ZNF652: variants seen among roughly 807,000 people sequenced by gnomAD.
ZNF652 encodes the protein zinc finger protein 652.
A neutral mutation model predicts 45.2 loss-of-function variants in ZNF652; 16 were observed. The ratio of observed to expected loss-of-function variants is 0.35; its 90% CI spans 0.24 to 0.54. ZNF652 has a LOEUF of 0.54. Ranked by LOEUF, ZNF652 falls within the 20% of genes least tolerant of loss-of-function variation. The pLI is 0.91. For missense variants in ZNF652, 614 were observed against 765.6 expected (o/e 0.80, Z 2.34); for synonymous variants, 250 against 260.6 (o/e 0.96, Z 0.39).
At chr17:49,359,516 T>C (rs2070371156) in intron 1 of ZNF652, among the ~76,000 whole-genome samples, 1 of 152,164 alleles carries the variant, frequency 6.6e-6, no homozygotes, top group Non-Finnish European at 1.5e-5. Flanking sequence ...CTCAAAGAAT[T>C]TTTTAAGTGA....
chr17:49,308,193 G>GT (rs1393842234), intron 5 of ZNF652, among the ~76,000 whole-genome samples: 1 of 151,744 alleles, frequency 6.6e-6, no homozygotes, highest in Non-Finnish European at 1.5e-5. Flanking sequence ...GGTTTGTTTT[G>GT]TTTTTTGAGA....
chr17:49,329,845 C>T (rs1039552356), intron 1 of ZNF652, among the ~76,000 whole-genome samples: 4 of 152,208 alleles, frequency 2.6e-5, no homozygotes, highest in African/African-American at 9.6e-5. Flanking sequence ...CAAGCATCAA[C>T]AGTTTCTACA....
chr17:49,315,231 G>A (rs1049085641), intron 2 of ZNF652, among the ~76,000 whole-genome samples: 2 of 151,226 alleles, frequency 1.3e-5, no homozygotes, highest in African/African-American at 4.9e-5. Flanking sequence ...AATAGAGATG[G>A]GGTTTCTCCA....
chr17:49,322,995 T>A (rs1429280114), intron 1 of ZNF652, among the ~76,000 whole-genome samples: 1 of 152,228 alleles, frequency 6.6e-6, no homozygotes, highest in African/African-American at 2.4e-5. Context: ...TTCTGCATGA[T>A]CAGGGTGGTG....
At position 49,334,779 on chromosome 17, in the gene ZNF652, CA is replaced by C. The variant is rs5820756; in HGVS notation, c.-258-16797del. Among the ~76,000 whole-genome samples the C allele has an allele frequency of 2.2e-3, 255 of 115,518 alleles. 1 individual carries two copies. Among genetic ancestry groups the C allele is most frequent in the Middle Eastern group, 0.01 (2 of 200 alleles). The allele number at this position is 115,518 out of a possible 152,430, so 75.8% of individuals were successfully genotyped here. A position where few individuals can be genotyped will look rare whatever the true frequency, so the allele number is the denominator to read the frequency against. On this transcript the variant is annotated intron_variant, in intron 1 of 5. Transcript: ENST00000430262. ...GGGAGACAGAGCAAGACTCGATCTC[CA>C]AAAAAAAAAAAAAGGGAATGTAGTA...
At chr17:49,334,443 C>T (rs956520393) in intron 1 of ZNF652, among the ~76,000 whole-genome samples, 3 of 151,948 alleles carry the variant, frequency 2.0e-5, no homozygotes, top group South Asian at 2.1e-4. Flanking sequence ...ATGATCATTC[C>T]ACTACACTCC....
At chr17:49,300,417 G>GAAA (rs2069536778) in intron 5 of ZNF652, among the ~76,000 whole-genome samples, 12 of 152,264 alleles carry the variant, frequency 7.9e-5, no homozygotes, top group African/African-American at 2.6e-4. Flanking sequence ...ATTTAGAAAG[G>GAAA]AAATTACGTT....
At chr17:49,338,449 C>G (rs1439492244) in intron 1 of ZNF652, among the ~76,000 whole-genome samples, 1 of 152,076 alleles carries the variant, frequency 6.6e-6, no homozygotes, top group Non-Finnish European at 1.5e-5. Context: ...AGCAGAAGGG[C>G]GAAAAGAAGA....
At chr17:49,331,171 G>A (rs2070020402) in intron 1 of ZNF652, among the ~76,000 whole-genome samples, 2 of 148,980 alleles carry the variant, frequency 1.3e-5, no homozygotes. Context: ...ACCCAGGCTG[G>A]AGGGCAGTGG....
At chr17:49,303,950 G>T (rs182361375) in intron 5 of ZNF652, among the ~76,000 whole-genome samples, 146 of 151,826 alleles carry the variant, frequency 9.6e-4, no homozygotes, top group Non-Finnish European at 1.5e-3. Context: ...GTGCAGTGGT[G>T]TGATCTCAGC....
downstream of ZNF652, among the ~76,000 whole-genome samples, chr17:49,288,785 A>G (rs759746087): frequency 6.6e-6 from 1 of 152,152 alleles, no homozygotes; most frequent in South Asian, 2.1e-4. Flanking sequence ...CCCAAGTACC[A>G]TATTTTATAA....
At position 49,307,192 on chromosome 17, in the gene ZNF652, T is replaced by G. The variant is rs183941843; in HGVS notation, c.1309+4120A>C. Among the ~76,000 whole-genome samples the G allele has an allele frequency of 2.2e-3, 333 of 151,500 alleles. 1 individual carries two copies. Among genetic ancestry groups the G allele is most frequent in the African/African-American group, 7.8e-3 (324 of 41,330 alleles). ...GCTCATGTCTGTAATCCCAGCAGTTTGGGAGGCTGAGGCGGGTGGATCACC... is the reference window on the plus strand; with the variant it reads ...GCTCATGTCTGTAATCCCAGCAGTTGGGGAGGCTGAGGCGGGTGGATCACC... On this transcript the variant is annotated intron_variant, in intron 5 of 5. Transcript: ENST00000430262.
At chr17:49,354,214 T>C (rs1405141680) in intron 1 of ZNF652, among the ~76,000 whole-genome samples, 5 of 152,076 alleles carry the variant, frequency 3.3e-5, no homozygotes, top group African/African-American at 1.2e-4. Flanking sequence ...AAGCTTTAAA[T>C]ATATCTCAAA....
Position 49,298,192 on chromosome 17 carries a change from G to A in ZNF652, c.*221C>T, listed in dbSNP as rs548704995. ...TCATCAGAAAATGCAAGCAAATTGG[G>A]CTTTAGTTCAGTGGTTCCCCTGGTT... On this transcript the variant is annotated 3_prime_UTR_variant, in exon 6 of 6. Coordinates refer to ENST00000430262, the MANE Select transcript of ZNF652 (RefSeq NM_001145365.3). 294 of 569,642 alleles carry A rather than the reference G, an allele frequency of 5.2e-4. 2 individuals are homozygous for A. The highest frequency in any genetic ancestry group is 5.0e-3 in the African/African-American group (266 of 52,802). The allele number at this position is 569,642 out of a possible 1,614,324, so 35.3% of individuals were successfully genotyped here. A position where few individuals can be genotyped will look rare whatever the true frequency, so the allele number is the denominator to read the frequency against.
intron 1 of ZNF652, among the ~76,000 whole-genome samples, chr17:49,360,600 A>G (rs1480643967): frequency 6.6e-6 from 1 of 152,088 alleles, no homozygotes; most frequent in Non-Finnish European, 1.5e-5. Flanking sequence ...CACTCACAAA[A>G]CAGCCCCACT....
intron 1 of ZNF652, among the ~76,000 whole-genome samples, chr17:49,321,088 G>A (rs2069885365): frequency 6.6e-6 from 1 of 152,132 alleles, no homozygotes; most frequent in Non-Finnish European, 1.5e-5. Flanking sequence ...ACTACTTCTG[G>A]TCAGCATATT....
intron 5 of ZNF652, among the ~76,000 whole-genome samples, chr17:49,306,777 G>A (rs1265134459): frequency 6.6e-6 from 1 of 152,086 alleles, no homozygotes; most frequent in Non-Finnish European, 1.5e-5. Context: ...TTTTGAGACG[G>A]AGTTTTGCTC....
intron 1 of ZNF652, among the ~76,000 whole-genome samples, chr17:49,359,116 C>A (rs2070367183): frequency 2.0e-5 from 3 of 152,148 alleles, no homozygotes; most frequent in Non-Finnish European, 4.4e-5. Flanking sequence ...GCACACTGTC[C>A]TCTGAGATTT....
chr17:49,300,283 A>T (rs1214091121), intron 5 of ZNF652, among the ~76,000 whole-genome samples: 2 of 152,154 alleles, frequency 1.3e-5, no homozygotes, highest in Admixed American at 1.3e-4. Context: ...CAATAAAAAA[A>T]TGCCGCTATG....
Sources: allele counts gnomAD v4.1 joint callset (sites outside exome capture counted in the v4.1 genomes callset), GRCh38; gene constraint gnomAD v4.1.1; transcripts MANE v1.5; gene names NCBI Gene and HGNC (gene_info 2026-07-23, HGNC 2026-07-21).